The following MTMR8 variants were observed in gnomAD, a reference collection of about 807,000 sequenced individuals.
MTMR8 encodes the protein phosphatidylinositol-3,5-bisphosphate 3-phosphatase MTMR8.
Under a neutral mutation model 39.3 loss-of-function variants are expected in MTMR8, and 65 were observed. The ratio of observed to expected loss-of-function variants is 1.65; its 90% CI spans 1.35 to 2.03. The LOEUF (loss-of-function observed/expected upper bound fraction) is 2.03, where lower values mean the gene tolerates loss of function less well. Ranked by LOEUF, MTMR8 falls within the 30% of genes most tolerant of loss-of-function variation. MTMR8 has a pLI of 0.00. For missense variants in MTMR8, 777 were observed against 538.9 expected, an observed-to-expected ratio of 1.44 and a Z score of -4.37; for synonymous variants, 245 against 185.2, an observed-to-expected ratio of 1.32 and a Z score of -2.62.
At chrX:64,275,669 A>G (rs1416593043) in intron 12 of MTMR8, among the ~76,000 whole-genome samples, 2 of 107,114 alleles carry the variant, frequency 1.9e-5, no homozygotes, top group South Asian at 3.9e-4. Context: ...AAAAAAAAAG[A>G]AAGAAACTAA....
chrX:64,285,888 T>G (rs1468952070), intron 12 of MTMR8, among the ~76,000 whole-genome samples: 1 of 110,540 alleles, frequency 9.0e-6, no homozygotes, highest in South Asian at 3.9e-4. Flanking sequence ...GATCTAAAAT[T>G]GACACCCTAA....
chrX:64,347,183 C>A (rs775301112), intron 6 of MTMR8, among the ~76,000 whole-genome samples: 20 of 110,191 alleles, frequency 1.8e-4, no homozygotes, highest in Non-Finnish European at 3.4e-4. Context: ...AGAGGGAATG[C>A]CAGATATTTC....
chrX:64,348,621 G>A lies in MTMR8; in HGVS notation c.732+39C>T, dbSNP rs369450456. On this transcript the variant is annotated intron_variant, in intron 6 of 13. Coordinates refer to ENST00000374852, the MANE Select transcript of MTMR8 (RefSeq NM_017677.4). ...CAATATATGAGGAGGTAGAATGCAA[G>A]AGGCAGAAATATCAAAGAAATCACT... 8.4e-5 allele frequency: 101 copies of A among 1,201,225 alleles called. 1 individual carries two copies. Among genetic ancestry groups the A allele is most frequent in the Middle Eastern group, 7.0e-4 (3 of 4,288 alleles).
intron 12 of MTMR8, among the ~76,000 whole-genome samples, chrX:64,277,746 C>G (rs889893468): frequency 9.0e-6 from 1 of 110,511 alleles, no homozygotes; most frequent in Non-Finnish European, 1.9e-5. Flanking sequence ...TTGTGGTGTT[C>G]TCTTATTTCC....
intron 12 of MTMR8, among the ~76,000 whole-genome samples, chrX:64,327,940 A>T (rs1453828916): frequency 1.8e-5 from 2 of 112,610 alleles, no homozygotes; most frequent in South Asian, 7.3e-4. Context: ...ACAAAGGCAA[A>T]TACAGCATAA....
intron 5 of MTMR8, 91 bp from the exon 6 acceptor site, chrX:64,348,885 A>G: frequency 4.0e-6 from 4 of 999,032 alleles, no homozygotes; most frequent in Non-Finnish European, 5.5e-6. Flanking sequence ...GAGTAGAGGG[A>G]GAGGATGAGC....
intron 12 of MTMR8, among the ~76,000 whole-genome samples, chrX:64,275,665 A>G (rs1333248553): frequency 4.6e-5 from 5 of 109,865 alleles, no homozygotes; most frequent in African/African-American, 1.6e-4. Context: ...AAAAAAAAAA[A>G]AAGAAAGAAA....
At chrX:64,309,322 G>A (rs749318876) in intron 12 of MTMR8, among the ~76,000 whole-genome samples, 67 of 108,442 alleles carry the variant, frequency 6.2e-4, no homozygotes, top group African/African-American at 1.8e-3. Flanking sequence ...CATATATTTC[G>A]TTAGATTTAT....
intron 12 of MTMR8, among the ~76,000 whole-genome samples, chrX:64,298,298 A>T (rs1221248389): frequency 9.8e-6 from 1 of 102,096 alleles, no homozygotes; most frequent in Non-Finnish European, 2.0e-5. Flanking sequence ...GGTCCTTCAC[A>T]TCCCTTGTAA....
intron 1 of MTMR8, among the ~76,000 whole-genome samples, chrX:64,385,305 C>T (rs150085528): frequency 1.8e-5 from 2 of 111,768 alleles, no homozygotes; most frequent in African/African-American, 6.5e-5. Context: ...TGTTCACAAC[C>T]ATTTAACCAG....
intron 7 of MTMR8, 101 bp from the exon 8 acceptor site, chrX:64,343,821 G>A: frequency 3.6e-6 from 2 of 562,115 alleles, no homozygotes; most frequent in African/African-American, 4.5e-5. Flanking sequence ...GGAAGCTGAG[G>A]CAGAAAGGTT....
At chrX:64,316,624 G>T (rs1447019943) in intron 12 of MTMR8, among the ~76,000 whole-genome samples, 1 of 111,215 alleles carries the variant, frequency 9.0e-6, no homozygotes, top group African/African-American at 3.3e-5. Context: ...CACCAGCCTG[G>T]GTGACAGAGC....
chrX:64,272,868 G>T (rs1305272822), intron 12 of MTMR8, among the ~76,000 whole-genome samples: 3 of 111,848 alleles, frequency 2.7e-5, no homozygotes, highest in Non-Finnish European at 5.6e-5. Flanking sequence ...AGAGAGTAGA[G>T]AGTGGGATAA....
chrX:64,269,478 C>T lies in MTMR8; in HGVS notation c.1609-435G>A, dbSNP rs745527723. Among the ~76,000 whole-genome samples the T allele has an allele frequency of 1.5e-3, 162 of 111,429 alleles. 1 individual carries two copies. Among genetic ancestry groups the T allele is most frequent in the African/African-American group, 5.1e-3 (157 of 30,662 alleles). On this transcript the variant is annotated intron_variant, in intron 13 of 13. Coordinates refer to ENST00000374852, the MANE Select transcript of MTMR8 (RefSeq NM_017677.4). ...GTTAAGTAAGTCACCCAAATTCGCA[C>T]ATGTACAAAGTAAAGAACTGAGATC...
intron 1 of MTMR8, among the ~76,000 whole-genome samples, chrX:64,381,570 T>C (rs1296148160): frequency 9.1e-6 from 1 of 110,270 alleles, no homozygotes; most frequent in African/African-American, 3.3e-5. Flanking sequence ...TTCTCTCTGA[T>C]GGTAGTTTCT....
chrX:64,382,264 C>G (rs1275906120), intron 1 of MTMR8, among the ~76,000 whole-genome samples: 1 of 111,705 alleles, frequency 9.0e-6, no homozygotes, highest in African/African-American at 3.3e-5. Context: ...TTGTTTGTAT[C>G]CTCTTTTATT....
intron 2 of MTMR8, among the ~76,000 whole-genome samples, chrX:64,358,576 G>T (rs1280526566): frequency 9.0e-6 from 1 of 111,126 alleles, no homozygotes; most frequent in African/African-American, 3.3e-5. Context: ...CTTGCCCAAG[G>T]TTACAAAAGT....
intron 12 of MTMR8, among the ~76,000 whole-genome samples, chrX:64,296,707 T>C (rs1298437671): frequency 9.2e-6 from 1 of 108,217 alleles, no homozygotes; most frequent in Non-Finnish European, 1.9e-5. Context: ...ATTAGGTATA[T>C]CTTCCAATGC....
intron 11 of MTMR8, 34 bp downstream of exon 11, chrX:64,331,523 C>T (rs763505229): frequency 6.0e-6 from 7 of 1,175,703 alleles, no homozygotes; most frequent in East Asian, 6.0e-5. Context: ...ACCACCTTCT[C>T]CCTGTTCAGT....
Sources: allele counts gnomAD v4.1 joint callset (sites outside exome capture counted in the v4.1 genomes callset), GRCh38; gene constraint gnomAD v4.1.1; transcripts MANE v1.5; gene names NCBI Gene and HGNC (gene_info 2026-07-23, HGNC 2026-07-21).